The following KMT2E variants were observed in gnomAD, a reference collection of about 807,000 sequenced individuals.
The protein encoded by KMT2E is histone reader KMT2E.
A neutral mutation model predicts 184.6 loss-of-function variants in KMT2E; 30 were observed. The ratio of observed to expected loss-of-function variants is 0.16; its 90% CI spans 0.12 to 0.22. KMT2E has a LOEUF of 0.22. KMT2E is among the 10% of genes least tolerant of loss of function. The pLI, the probability that KMT2E is intolerant of heterozygous loss-of-function variation, is 1.00. For missense variants in KMT2E, 2,023 were observed against 2,237.4 expected (o/e 0.90, Z 1.93); for synonymous variants, 815 against 776.5 (o/e 1.05, Z -0.82).
In KMT2E at chr7:105,114,223, G is replaced by C. The variant is rs1182785087; in HGVS notation, c.*890G>C. ...CAGCAACAGGAGGCAGCAAGGGGCT[G>C]TTCCTGTGGTGGTTTCTGTTTGCAT... On this transcript the variant is annotated 3_prime_UTR_variant, in exon 27 of 27. Coordinates refer to ENST00000311117, the MANE Select transcript of KMT2E (RefSeq NM_182931.3). The C allele has an allele frequency of 6.6e-6, 1 of 152,198 alleles. No individual in the cohort carries two copies. The highest frequency in any genetic ancestry group is 1.5e-5 in the Non-Finnish European group (1 of 68,034). The allele number at this position is 152,198 out of a possible 1,614,324, so 9.4% of individuals were successfully genotyped here. A position where few individuals can be genotyped will look rare whatever the true frequency, so the allele number is the denominator to read the frequency against.
At chr7:105,074,181 C>T (rs1319130503) in intron 7 of KMT2E, among the ~76,000 whole-genome samples, 1 of 152,054 alleles carries the variant, frequency 6.6e-6, no homozygotes, top group Non-Finnish European at 1.5e-5. Flanking sequence ...GGATTGTTTT[C>T]ATTATTTCTG....
intron 1 of KMT2E, among the ~76,000 whole-genome samples, chr7:105,022,562 GT>G (rs1240956999): frequency 6.6e-6 from 1 of 152,096 alleles, no homozygotes; most frequent in Middle Eastern, 3.4e-3. Context: ...TATAGTTGAT[GT>G]TTTTTTGACA....
chr7:105,015,337 T>TGG (rs1794672974), intron 1 of KMT2E, among the ~76,000 whole-genome samples: 1 of 152,078 alleles, frequency 6.6e-6, no homozygotes, highest in African/African-American at 2.4e-5. Context: ...AAAAAAACAA[T>TGG]CCAGAGTGCT....
chr7:105,045,954 A>G (rs375842494), intron 3 of KMT2E, among the ~76,000 whole-genome samples: 5 of 152,118 alleles, frequency 3.3e-5, no homozygotes, highest in African/African-American at 7.2e-5. Context: ...TGTGTTTTCT[A>G]GGGATCTGTA....
intron 13 of KMT2E, 145 bp from the exon 14 acceptor site, chr7:105,089,864 C>A: frequency 8.4e-7 from 1 of 1,190,248 alleles, no homozygotes; most frequent in Non-Finnish European, 1.1e-6. Flanking sequence ...TGGTAGTTAA[C>A]TAGGAATGTA....
At chr7:105,033,349 T>C (rs1210667427) in intron 1 of KMT2E, among the ~76,000 whole-genome samples, 1 of 152,258 alleles carries the variant, frequency 6.6e-6, no homozygotes, top group East Asian at 1.9e-4. Context: ...ATTATAGAGT[T>C]GCATATGGTT....
intron 1 of KMT2E, among the ~76,000 whole-genome samples, chr7:105,019,897 A>G (rs1794876400): frequency 6.6e-6 from 1 of 152,128 alleles, no homozygotes. Flanking sequence ...ATTTGAGGTC[A>G]GGAGTTTGAG....
At chr7:105,072,381 G>A (rs1275343159) in intron 6 of KMT2E, among the ~76,000 whole-genome samples, 1 of 152,184 alleles carries the variant, frequency 6.6e-6, no homozygotes. Flanking sequence ...TTAGTTGAGA[G>A]AGATATGTTT....
At chr7:105,051,216 G>C (rs982687923) in intron 3 of KMT2E, among the ~76,000 whole-genome samples, 3 of 126,376 alleles carry the variant, frequency 2.4e-5, no homozygotes, top group Non-Finnish European at 4.9e-5. Context: ...ATGGAGTTTC[G>C]CTCTTGTTGC....
chr7:105,046,790 T>A (rs1436257125), intron 3 of KMT2E, among the ~76,000 whole-genome samples: 1 of 152,182 alleles, frequency 6.6e-6, no homozygotes, highest in Non-Finnish European at 1.5e-5. Flanking sequence ...GCCATCTAAT[T>A]TTAAATGTAA....
intron 22 of KMT2E, chr7:105,108,408 T>C: frequency 3.1e-6 from 1 of 319,288 alleles, no homozygotes; most frequent in South Asian, 2.8e-5. Context: ...GATTTCCCAT[T>C]ATTTGGTTGG....
intron 15 of KMT2E, 103 bp from the exon 16 acceptor site, chr7:105,101,322 A>T: frequency 9.7e-6 from 7 of 722,734 alleles, no homozygotes; most frequent in Non-Finnish European, 1.2e-5. Context: ...GTTTGCTGAT[A>T]GTATCATAGC....
At chr7:105,044,552 C>T (rs1796019306) in intron 3 of KMT2E, among the ~76,000 whole-genome samples, 1 of 152,130 alleles carries the variant, frequency 6.6e-6, no homozygotes, top group Non-Finnish European at 1.5e-5. Flanking sequence ...GTTTGTGACA[C>T]TTAGATCAGT....
chr7:105,056,354 C>G (rs905392612), intron 3 of KMT2E, among the ~76,000 whole-genome samples: 2 of 152,132 alleles, frequency 1.3e-5, no homozygotes, highest in African/African-American at 4.8e-5. Context: ...ATCCAAACCT[C>G]CAAAGGAAAA....
chr7:105,057,501 G>T (rs1354983750), intron 3 of KMT2E, among the ~76,000 whole-genome samples: 1 of 152,054 alleles, frequency 6.6e-6, no homozygotes, highest in Non-Finnish European at 1.5e-5. Context: ...CTGGAGTACA[G>T]TGACATGATC....
In KMT2E at chr7:105,066,747, G is replaced by T; in HGVS notation, c.437G>T (p.Cys146Phe). ...TTAAGCGTTTGGCAACATATTGACTGCATGGGGATTGATAGGCAGCATATT... is the reference window on the plus strand; with the variant it reads ...TTAAGCGTTTGGCAACATATTGACTTCATGGGGATTGATAGGCAGCATATT... ...DKCSVWQHID[C>F]MGIDRQHIPD... The change falls in exon 6 of 27, where the codon TGC (cysteine) becomes TTC (phenylalanine). Residue 146 changes from cysteine (C) to phenylalanine (F), a missense_variant. Around this residue, in one of 8 missense-constraint regions of KMT2E, gnomAD observed 30 missense variants for 80.6 expected, o/e 0.37. Transcript: ENST00000311117. 1 of 1,611,348 alleles carries T rather than the reference G, an allele frequency of 6.2e-7. No individual in the cohort carries two copies. Among genetic ancestry groups the T allele is most frequent in the Non-Finnish European group, 8.5e-7 (1 of 1,178,544 alleles).
intron 7 of KMT2E, among the ~76,000 whole-genome samples, chr7:105,074,228 A>G (rs1416162968): frequency 2.0e-5 from 3 of 151,856 alleles, no homozygotes; most frequent in African/African-American, 7.3e-5. Flanking sequence ...CAGTATCCTC[A>G]GCAAGACCCT....
At chr7:105,063,680 A>T in intron 5 of KMT2E, 100 bp downstream of exon 5, 2 of 768,660 alleles carry the variant, frequency 2.6e-6, no homozygotes. Context: ...GAATTAATGG[A>T]TACATATTTT....
chr7:105,076,184 C>G lies in KMT2E; in HGVS notation c.768+103C>G, dbSNP rs577929134. ...ACTTAATGCTCTGTTTATTGTGTGT[C>G]ATGTCTTTGCCTATTATCTTTACCA... On this transcript the variant is annotated intron_variant, in intron 9 of 26. Coordinates refer to ENST00000311117, the MANE Select transcript of KMT2E (RefSeq NM_182931.3). 3.4e-5 allele frequency: 27 copies of G among 794,456 alleles called. No homozygotes were observed. In the Admixed American group the frequency reaches 5.2e-4, roughly 15 times the overall value. 49.2% of individuals were successfully genotyped at this position (794,456 alleles called of 1,614,324 possible). A position where few individuals can be genotyped will look rare whatever the true frequency, so the allele number is the denominator to read the frequency against.
Sources: gnomAD v4.1 joint callset for allele counts (sites outside exome capture counted in the v4.1 genomes callset) on GRCh38, gnomAD v4.1.1 for gene constraint, gnomAD v4.1.1 regional missense constraint, MANE v1.5 for transcripts, NCBI Gene and HGNC (gene_info 2026-07-23, HGNC 2026-07-21) for gene names.